CCDC141: variants seen among roughly 807,000 people sequenced by gnomAD.
CCDC141 encodes the protein coiled-coil domain-containing protein 141.
CCDC141 carries 168 observed loss-of-function variants against 181.0 expected under a neutral mutation model. That is an observed-to-expected ratio of 0.93 (90% CI 0.82 to 1.05). The LOEUF is 1.05. CCDC141 is among the 50% of genes least tolerant of loss of function. The probability of loss-of-function intolerance (pLI) is 0.00; values close to 1 mark genes in which losing one functional copy is unlikely to be tolerated. For synonymous variants in CCDC141, 666 were observed against 642.3 expected (o/e 1.04, Z -0.56); for missense variants, 1,902 against 1,788.5 (o/e 1.06, Z -1.14).
intron 2 of CCDC141, among the ~76,000 whole-genome samples, chr2:179,000,970 T>C (rs2041952081): frequency 6.6e-6 from 1 of 152,158 alleles, no homozygotes; most frequent in Non-Finnish European, 1.5e-5. Flanking sequence ...ACATAGAAAG[T>C]ACACAACAGA....
intron 14 of CCDC141, among the ~76,000 whole-genome samples, chr2:178,870,754 A>G (rs976247780): frequency 2.0e-5 from 3 of 152,186 alleles, no homozygotes; most frequent in African/African-American, 7.2e-5. Context: ...GACAGCTAGA[A>G]ACACAGGTAT....
downstream of CCDC141, among the ~76,000 whole-genome samples, chr2:178,828,589 C>T (rs186916659): frequency 9.9e-5 from 15 of 152,242 alleles, no homozygotes; most frequent in Middle Eastern, 3.4e-3. Flanking sequence ...AGGGTTGGCA[C>T]GGCAGCAGCT....
intron 5 of CCDC141, among the ~76,000 whole-genome samples, chr2:178,955,015 T>C (rs1370545443): frequency 6.6e-6 from 1 of 152,190 alleles, no homozygotes; most frequent in Non-Finnish European, 1.5e-5. Context: ...CCAGGCACGG[T>C]GGCTCATGCC....
intron 2 of CCDC141, among the ~76,000 whole-genome samples, chr2:179,008,158 C>G (rs1202876532): frequency 6.6e-6 from 1 of 152,174 alleles, no homozygotes; most frequent in Non-Finnish European, 1.5e-5. Flanking sequence ...ATATGTATCT[C>G]TTGTTTTAAT....
intron 2 of CCDC141, among the ~76,000 whole-genome samples, chr2:178,984,205 C>A (rs1238758687): frequency 6.6e-6 from 1 of 150,422 alleles, no homozygotes; most frequent in Non-Finnish European, 1.5e-5. Context: ...ATTTCATATC[C>A]AGCCAAACTA....
chr2:178,815,783 A>AT, the CCDC141 span, among the ~76,000 whole-genome samples: 8 of 151,736 alleles, frequency 5.3e-5, no homozygotes, highest in Admixed American at 2.6e-4. Context: ...TTTTATTTGT[A>AT]TTTTTTTTAT....
chr2:179,031,939 G>T (rs2154386949), intron 2 of CCDC141, among the ~76,000 whole-genome samples: 1 of 152,122 alleles, frequency 6.6e-6, no homozygotes, highest in Non-Finnish European at 1.5e-5. Context: ...GAATTTGAGA[G>T]CTTGTGGTTC....
intron 15 of CCDC141, among the ~76,000 whole-genome samples, 167 bp from the exon 16 acceptor site, chr2:178,868,372 G>C (rs1330270868): frequency 6.6e-6 from 1 of 152,112 alleles, no homozygotes; most frequent in Non-Finnish European, 1.5e-5. Context: ...AAATCCAATG[G>C]TGGTAAAATT....
chr2:179,048,640 G>A (rs750988449), intron 1 of CCDC141, among the ~76,000 whole-genome samples: 11 of 152,024 alleles, frequency 7.2e-5, no homozygotes, highest in African/African-American at 1.5e-4. Context: ...CATTAATCCC[G>A]TGCAAATGAT....
Position 178,863,715 on chromosome 2 carries a change from A to C in CCDC141, c.2724+2052T>G, listed in dbSNP as rs545221043. 1.5e-3 allele frequency among the ~76,000 whole-genome samples: 226 copies of C among 152,326 alleles called. 4 individuals carry two copies. Among genetic ancestry groups the C allele is most frequent in the African/African-American group, 4.9e-3 (205 of 41,568 alleles). The stretch of plus-strand genomic sequence containing the variant: ...ACATGTCCACAAAAAAGGAGAAGTG[A>C]CAAAGACTCAAAGTTCTCAGAGGTC... On this transcript the variant is annotated intron_variant, in intron 17 of 23. Coordinates refer to ENST00000443758, the MANE Select transcript of CCDC141 (RefSeq NM_173648.4).
At chr2:178,881,890 G>GTT (rs1686626159) in intron 11 of CCDC141, among the ~76,000 whole-genome samples, 1 of 94,538 alleles carries the variant, frequency 1.1e-5, no homozygotes, top group African/African-American at 5.1e-5. Context: ...GTGAGACCCT[G>GTT]TCTCTCTCTC....
At chr2:178,978,429 A>C in intron 3 of CCDC141, 55 bp downstream of exon 3, 1 of 1,099,262 alleles carries the variant, frequency 9.1e-7, no homozygotes, top group Non-Finnish European at 1.2e-6. Context: ...CATTTTCAGG[A>C]GTGCTATTCA....
chr2:178,837,068 C>A lies in CCDC141; in HGVS notation c.4151G>T (p.Arg1384Met). The A allele has an allele frequency of 6.2e-7, 1 of 1,613,998 alleles. No homozygotes were observed. Among genetic ancestry groups the A allele is most frequent in the Non-Finnish European group, 8.5e-7 (1 of 1,179,970 alleles). Residue 1384 changes from arginine to methionine, a missense_variant, in exon 23 of 24, where the codon AGG becomes ATG. Arg to Met is a moderately conservative substitution (Grantham distance 91). Transcript: ENST00000443758. ...FQSGTSRGYQ[R>M]QMVPREEIKS... ...AATCTCTTCTCGAGGAACCATTTGC[C>A]TCTGATAGCCCCTGCTGGTGCCTGA...
At position 178,834,153 on chromosome 2, in the gene CCDC141, C is replaced by T. The variant is rs947613526; in HGVS notation, c.*20G>A. 6 of 1,530,330 alleles carry T rather than the reference C, an allele frequency of 3.9e-6. No homozygotes were observed. In the South Asian group the frequency reaches 7.2e-5, roughly 18 times the overall value. 94.8% of individuals were successfully genotyped at this position (1,530,330 alleles called of 1,614,324 possible). On this transcript the variant is annotated 3_prime_UTR_variant, in exon 24 of 24. Coordinates refer to ENST00000443758, the MANE Select transcript of CCDC141 (RefSeq NM_173648.4). ...TCTTTAGGCACATGAGAATGATGTCCATTGGTGCCAACACCACAGTTATTG... is the reference window on the plus strand; with the variant it reads ...TCTTTAGGCACATGAGAATGATGTCTATTGGTGCCAACACCACAGTTATTG...
intron 2 of CCDC141, among the ~76,000 whole-genome samples, chr2:178,993,324 C>A (rs1442616032): frequency 2.0e-5 from 3 of 152,172 alleles, no homozygotes; most frequent in African/African-American, 4.8e-5. Context: ...CACAGTTACA[C>A]GTGACTGGGG....
At chr2:178,936,916 G>A (rs1689312954) in intron 6 of CCDC141, among the ~76,000 whole-genome samples, 1 of 152,078 alleles carries the variant, frequency 6.6e-6, no homozygotes, top group South Asian at 2.1e-4. Context: ...TGGTGTATAG[G>A]AATGCTAATT....
intron 2 of CCDC141, among the ~76,000 whole-genome samples, chr2:178,999,779 C>T (rs2041901952): frequency 6.6e-6 from 1 of 151,954 alleles, no homozygotes; most frequent in Admixed American, 6.6e-5. Flanking sequence ...CCGTGACTCA[C>T]CTATCCTTGA....
At chr2:179,025,760 G>A (rs1393080429) in intron 2 of CCDC141, among the ~76,000 whole-genome samples, 4 of 152,162 alleles carry the variant, frequency 2.6e-5, no homozygotes, top group African/African-American at 7.2e-5. Flanking sequence ...GGAAAATGTA[G>A]GACAGTTTAG....
intron 2 of CCDC141, among the ~76,000 whole-genome samples, chr2:179,045,756 T>C (rs1213600336): frequency 6.6e-6 from 1 of 152,154 alleles, no homozygotes; most frequent in South Asian, 2.1e-4. Flanking sequence ...ATTTCTCTGA[T>C]GGCAAAAAGT....
Sources: gnomAD v4.1 joint callset for allele counts (sites outside exome capture counted in the v4.1 genomes callset) on GRCh38, gnomAD v4.1.1 for gene constraint, MANE v1.5 for transcripts, NCBI Gene and HGNC (gene_info 2026-07-23, HGNC 2026-07-21) for gene names.